PPP3CB: variants seen among roughly 807,000 people sequenced by gnomAD.
PPP3CB encodes protein phosphatase 3 catalytic subunit beta.
PPP3CB carries 8 observed loss-of-function variants against 66.4 expected under a neutral mutation model. The ratio of observed to expected loss-of-function variants is 0.12; its 90% CI spans 0.07 to 0.22. PPP3CB has a LOEUF of 0.22. Among genes scored for constraint, PPP3CB ranks in the 10% least tolerant of loss-of-function variants. The probability of loss-of-function intolerance (pLI) is 1.00; values close to 1 mark genes in which losing one functional copy is unlikely to be tolerated. For missense variants in PPP3CB, 319 were observed against 642.5 expected (o/e 0.50, Z 5.44); for synonymous variants, 208 against 221.2 (o/e 0.94, Z 0.53).
intron 10 of PPP3CB, among the ~76,000 whole-genome samples, chr10:73,451,361 A>G (rs1374164255): frequency 4.6e-5 from 7 of 152,088 alleles, no homozygotes; most frequent in Non-Finnish European, 7.4e-5. Flanking sequence ...ACAAATATAT[A>G]GTATATTCTT....
intron 1 of PPP3CB, among the ~76,000 whole-genome samples, chr10:73,489,714 G>A (rs2133040539): frequency 6.6e-6 from 1 of 152,284 alleles, no homozygotes; most frequent in Non-Finnish European, 1.5e-5. Context: ...CTGCTTAACA[G>A]CTTAAGTTTT....
intron 5 of PPP3CB, 38 bp downstream of exon 5, chr10:73,471,430 A>C (rs2056699831): frequency 6.4e-7 from 1 of 1,563,538 alleles, no homozygotes; most frequent in Non-Finnish European, 8.7e-7. Flanking sequence ...AATGTACTAT[A>C]AATAGAAATC....
chr10:73,447,533 G>C (rs961006125), intron 10 of PPP3CB, among the ~76,000 whole-genome samples: 1 of 152,172 alleles, frequency 6.6e-6, no homozygotes, highest in African/African-American at 2.4e-5. Flanking sequence ...CATGGTTGAG[G>C]AGAAGGTTAA....
chr10:73,450,757 T>G (rs1417119689), intron 10 of PPP3CB, among the ~76,000 whole-genome samples: 1 of 152,200 alleles, frequency 6.6e-6, no homozygotes, highest in Non-Finnish European at 1.5e-5. Flanking sequence ...TCCTCTCTAT[T>G]CCCTCAGTTT....
At chr10:73,487,148 CGA>C (rs1396824369) in intron 1 of PPP3CB, among the ~76,000 whole-genome samples, 2 of 152,112 alleles carry the variant, frequency 1.3e-5, no homozygotes, top group East Asian at 3.9e-4. Context: ...CCCGCCTGGG[CGA>C]GAGTGAGACT....
chr10:73,465,082 G>A (rs950117788), intron 9 of PPP3CB, among the ~76,000 whole-genome samples: 1 of 152,114 alleles, frequency 6.6e-6, no homozygotes, highest in Non-Finnish European at 1.5e-5. Context: ...GAGGTATGAG[G>A]TGGGGAGTAC....
intron 1 of PPP3CB, among the ~76,000 whole-genome samples, chr10:73,491,122 G>A (rs868232265): frequency 8.2e-5 from 11 of 134,696 alleles, no homozygotes; most frequent in South Asian, 5.2e-4. Flanking sequence ...TCTCCGCCTC[G>A]CAGGTTCAAG....
chr10:73,461,173 C>T (rs537960670), intron 9 of PPP3CB, among the ~76,000 whole-genome samples: 4 of 152,284 alleles, frequency 2.6e-5, no homozygotes, highest in East Asian at 3.9e-4. Flanking sequence ...TAATGACTGG[C>T]GTGATGGCTC....
At chr10:73,494,066 A>T (rs1445639033) in intron 1 of PPP3CB, among the ~76,000 whole-genome samples, 1 of 152,230 alleles carries the variant, frequency 6.6e-6, no homozygotes, top group Non-Finnish European at 1.5e-5. Context: ...CACACAACAC[A>T]GAAATACAGT....
At chr10:73,480,664 C>G (rs1589713118) in intron 1 of PPP3CB, among the ~76,000 whole-genome samples, 1 of 152,006 alleles carries the variant, frequency 6.6e-6, no homozygotes, top group Non-Finnish European at 1.5e-5. Context: ...AGGCTGGTGT[C>G]GAACTCCTGA....
rs1236180758 is a variant in PPP3CB, at chr10:73,444,758, C to A, written c.1333G>T (p.Val445Leu). Residue 445 changes from valine (V) to leucine (L), a missense_variant, in exon 12 of 14, where the codon GTG becomes TTG. This residue lies in a region of PPP3CB where 120 missense variants were observed against 331.2 expected (regional missense o/e 0.36). Coordinates refer to ENST00000360663, the MANE Select transcript of PPP3CB (RefSeq NM_021132.4). ...AGGGTCTGCCGTCCTCCAGCTAACACTCCACTAGGCAACATCCCTGTGGGA... is the reference window on the plus strand; with the variant it reads ...AGGGTCTGCCGTCCTCCAGCTAACAATCCACTAGGCAACATCCCTGTGGGA... ...LTPTGMLPSG[V>L]LAGGRQTLQS... The A allele has an allele frequency of 6.2e-7, 1 of 1,613,970 alleles. No homozygotes were observed. The highest frequency in any genetic ancestry group is 1.3e-5 in the African/African-American group (1 of 74,946).
chr10:73,477,112 G>C, intron 3 of PPP3CB: 1 of 513,768 alleles, frequency 1.9e-6, no homozygotes, highest in Non-Finnish European at 3.9e-6. Flanking sequence ...ACCTCTCTAA[G>C]CCTCAGGTTC....
intron 3 of PPP3CB, among the ~76,000 whole-genome samples, chr10:73,476,030 T>G (rs140355463): frequency 0.046 from 7,004 of 151,590 alleles, 489 homozygotes; most frequent in African/African-American, 0.15. Flanking sequence ...CTAAGTTTTT[T>G]TTTTTTTTTT....
At chr10:73,439,973 A>C in intron 12 of PPP3CB, 72 bp from the exon 13 acceptor site, 6 of 1,444,130 alleles carry the variant, frequency 4.2e-6, no homozygotes, top group Non-Finnish European at 5.8e-6. Context: ...ACAGCAGAAA[A>C]GGCAATGATC....
intron 1 of PPP3CB, among the ~76,000 whole-genome samples, chr10:73,488,117 G>A (rs566698952): frequency 6.6e-6 from 1 of 152,222 alleles, no homozygotes; most frequent in South Asian, 2.1e-4. Context: ...GAGACATTAA[G>A]TTGCTTCTCC....
intron 4 of PPP3CB, among the ~76,000 whole-genome samples, chr10:73,472,274 C>A (rs1476183628): frequency 2.0e-5 from 3 of 152,116 alleles, no homozygotes; most frequent in African/African-American, 4.8e-5. Context: ...GCAGGCAGAT[C>A]GCTTGAGGCC....
At position 73,478,686 on chromosome 10, in the gene PPP3CB, T is replaced by C. The variant is rs186814769; in HGVS notation, c.287-63A>G. ...TCTAAAACAACAAATTTTACTTAAG[T>C]TAAAACGTATTTTACATAAGACATA... On this transcript the variant is annotated intron_variant, in intron 2 of 13. Transcript: ENST00000360663. 5 of 1,426,884 alleles carry C rather than the reference T, an allele frequency of 3.5e-6. No homozygotes were observed. In the Admixed American group the frequency reaches 5.6e-5, roughly 16 times the overall value. 88.4% of individuals were successfully genotyped at this position (1,426,884 alleles called of 1,614,324 possible). A position where few individuals can be genotyped will look rare whatever the true frequency, so the allele number is the denominator to read the frequency against.
In PPP3CB at chr10:73,446,554, T is replaced by C; in HGVS notation, c.1206A>G (p.Lys402=). Residue 402 remains lysine (K), a synonymous_variant, in exon 11 of 14, where the codon AAA becomes AAG. Transcript: ENST00000360663. ...CTCGAATTTTGTTTCTTATGATTTC[T>C]TTCCGGGCTGCAGCTGAACCTACTT... ...DQFDGSAAAR[K]EIIRNKIRAI... The C allele has an allele frequency of 6.2e-7, 1 of 1,613,988 alleles. No individual in the cohort carries two copies. Among genetic ancestry groups the C allele is most frequent in the Non-Finnish European group, 8.5e-7 (1 of 1,179,852 alleles).
intron 8 of PPP3CB, among the ~76,000 whole-genome samples, chr10:73,469,397 TGGGCGAGGTGGCG>T (rs2056668389): frequency 6.6e-6 from 1 of 151,986 alleles, no homozygotes; most frequent in Admixed American, 6.6e-5. Flanking sequence ...AAAAATTAGC[TGGGCGAGGTGGCG>T]GGTGCCTATG....
Sources: allele counts gnomAD v4.1 joint callset (sites outside exome capture counted in the v4.1 genomes callset), GRCh38; gene constraint gnomAD v4.1.1; regional missense constraint gnomAD v4.1.1; transcripts MANE v1.5; gene names NCBI Gene and HGNC (gene_info 2026-07-23, HGNC 2026-07-21).